The following USP34 variants were observed in gnomAD, a reference collection of about 807,000 sequenced individuals.
USP34 encodes ubiquitin specific peptidase 34.
USP34 carries 70 observed loss-of-function variants against 460.3 expected under a neutral mutation model. The observed-to-expected ratio is 0.15, with a 90% confidence interval of 0.13 to 0.19. The LOEUF (loss-of-function observed/expected upper bound fraction) is 0.19, where lower values mean the gene tolerates loss of function less well. Ranked by LOEUF, USP34 falls within the 10% of genes least tolerant of loss-of-function variation. The pLI is 1.00. For synonymous variants in USP34, 1,647 were observed against 1,405.3 expected (o/e 1.17, Z -3.85); for missense variants, 3,985 against 4,236.2 (o/e 0.94, Z 1.65).
At chr2:61,298,132 CTTTA>C (rs1558516234) in intron 29 of USP34, among the ~76,000 whole-genome samples, 1 of 151,998 alleles carries the variant, frequency 6.6e-6, no homozygotes, top group Non-Finnish European at 1.5e-5. Context: ...AGTAAAGATA[CTTTA>C]TTTTTACTTT....
chr2:61,259,756 G>A lies in USP34; in HGVS notation c.5799C>T (p.His1933=). The change falls in exon 44 of 80, where the codon CAC becomes CAT. Residue 1933 remains histidine (H), a synonymous_variant. Transcript: ENST00000398571. The part of the protein sequence containing the change: ...FTAKYSEDMK[H]KTTLLELQKM... ...TCTGAAGCTCCAGAAGAGTGGTCTT[G>A]TGCTTCATATCCTCTGAATACTGAA... The A allele has an allele frequency of 1.2e-6, 2 of 1,613,198 alleles. No individual in the cohort carries two copies. Among genetic ancestry groups the A allele is most frequent in the Non-Finnish European group, 1.7e-6 (2 of 1,179,892 alleles).
At chr2:61,341,649 G>T (rs1691604852) in intron 16 of USP34, among the ~76,000 whole-genome samples, 2 of 151,646 alleles carry the variant, frequency 1.3e-5, no homozygotes, top group African/African-American at 2.4e-5. Context: ...GCTTCCTGTG[G>T]CCCTCACCAG....
At chr2:61,329,130 T>G (rs1215304134) in intron 20 of USP34, among the ~76,000 whole-genome samples, 1 of 151,986 alleles carries the variant, frequency 6.6e-6, no homozygotes, top group Non-Finnish European at 1.5e-5. Context: ...CAAGTGGTTC[T>G]CCTGCCTCAG....
chr2:61,227,315 G>A lies in USP34; in HGVS notation c.7444-97C>T, dbSNP rs898529789. 2.2e-6 allele frequency: 3 copies of A among 1,380,114 alleles called. No individual in the cohort carries two copies. In the South Asian group the frequency reaches 4.0e-5, roughly 18 times the overall value. 85.5% of individuals were successfully genotyped at this position (1,380,114 alleles called of 1,614,324 possible). ...TTATGTAACAGTGTAGATGGTGGCA[G>A]GAGCTTGTAACATGAAAAACAACTG... On this transcript the variant is annotated intron_variant, in intron 61 of 79. Coordinates refer to ENST00000398571, the MANE Select transcript of USP34 (RefSeq NM_014709.4).
intron 16 of USP34, among the ~76,000 whole-genome samples, chr2:61,340,885 G>A (rs544351079): frequency 1.3e-5 from 2 of 148,730 alleles, no homozygotes; most frequent in South Asian, 2.1e-4. Flanking sequence ...GGATGGGTGG[G>A]GGGACTGTTT....
At position 61,425,835 on chromosome 2, in the gene USP34, C is replaced by A. The variant is rs566369405; in HGVS notation, c.44-5002G>T. The stretch of plus-strand genomic sequence containing the variant: ...GAGTGCTGGCATCACCCCTTCCCCT[C>A]GACAGGCTGCACAGCTCAGGGCTCC... On this transcript the variant is annotated intron_variant, in intron 1 of 79. Transcript: ENST00000398571. 5.3e-5 allele frequency among the ~76,000 whole-genome samples: 8 copies of A among 152,082 alleles called. No homozygotes were observed. In the East Asian group the frequency reaches 1.4e-3, roughly 26 times the overall value.
At chr2:61,332,763 C>A (rs1034585617) in intron 19 of USP34, among the ~76,000 whole-genome samples, 2 of 151,928 alleles carry the variant, frequency 1.3e-5, no homozygotes, top group Non-Finnish European at 2.9e-5. Flanking sequence ...CTTGCAAAAA[C>A]AGAACCTTCA....
At position 61,199,018 on chromosome 2, in the gene USP34, G is replaced by A. The variant is rs1253050510; in HGVS notation, c.9508+4122C>T. ...AATCCTAAAAATTTGGTATATATTG[G>A]CAGTGTTGGCTGTTTATCTGTTAAG... On this transcript the variant is annotated intron_variant, in intron 75 of 79. Transcript: ENST00000398571. Among the ~76,000 whole-genome samples, 4 of 152,074 alleles carry A rather than the reference G, an allele frequency of 2.6e-5. No individual in the cohort carries two copies. In the East Asian group the frequency reaches 7.7e-4, roughly 29 times the overall value.
intron 59 of USP34, 77 bp from the exon 60 acceptor site, chr2:61,229,072 A>C (rs1244247552): frequency 8.6e-7 from 1 of 1,159,080 alleles, no homozygotes; most frequent in African/African-American, 1.6e-5. Context: ...TACTTTTTAA[A>C]CTCTGAATTT....
Position 61,327,404 on chromosome 2 carries a change from A to C in USP34, c.2931-1947T>G, listed in dbSNP as rs76477506. Among the ~76,000 whole-genome samples the C allele has an allele frequency of 9.8e-3, 1,493 of 152,308 alleles. 18 individuals are homozygous for C. The highest frequency in any genetic ancestry group is 0.013 in the Non-Finnish European group (873 of 68,020). On this transcript the variant is annotated intron_variant, in intron 20 of 79. Coordinates refer to ENST00000398571, the MANE Select transcript of USP34 (RefSeq NM_014709.4). The stretch of plus-strand genomic sequence containing the variant: ...TAAGGCAACCCAGATAAAATTCAAG[A>C]ACAGCTAGCTCTTAAGGGCTTCTAG...
At chr2:61,375,768 C>CAAAAAAAAAAAAAA (rs56304309) in intron 8 of USP34, among the ~76,000 whole-genome samples, 194 of 80,810 alleles carry the variant, frequency 2.4e-3, no homozygotes, top group South Asian at 4.7e-3. Flanking sequence ...GACTCTGTCT[C>CAAAAAAAAAAAAAA]AAAAAAAAAA....
intron 5 of USP34, among the ~76,000 whole-genome samples, chr2:61,387,575 TATAAA>T (rs1295317850): frequency 6.8e-6 from 1 of 146,212 alleles, no homozygotes; most frequent in African/African-American, 2.5e-5. Flanking sequence ...TACACACATA[TATAAA>T]ATATATATAT....
At chr2:61,377,959 G>A (rs1477074552) in intron 8 of USP34, among the ~76,000 whole-genome samples, 1 of 152,320 alleles carries the variant, frequency 6.6e-6, no homozygotes, top group Non-Finnish European at 1.5e-5. Context: ...CAAGTGGATG[G>A]CTTGAGTCTA....
At chr2:61,312,856 CTT>C (rs1478476489) in intron 25 of USP34, among the ~76,000 whole-genome samples, 1 of 152,156 alleles carries the variant, frequency 6.6e-6, no homozygotes, top group Non-Finnish European at 1.5e-5. Context: ...CGTACTATGT[CTT>C]GGGAAACAAA....
intron 44 of USP34, among the ~76,000 whole-genome samples, 191 bp downstream of exon 44, chr2:61,259,520 C>T (rs1474032151): frequency 6.6e-6 from 1 of 151,282 alleles, no homozygotes; most frequent in East Asian, 1.9e-4. Context: ...CCTAAGCAGC[C>T]GGGACTACAG....
rs1375478639 is a variant in USP34 at position 61,394,961 on chromosome 2, C to G, written c.645G>C (p.Leu215Phe). The G allele has an allele frequency of 1.2e-6, 2 of 1,606,566 alleles. No homozygotes were observed. Among genetic ancestry groups the G allele is most frequent in the East Asian group, 4.5e-5 (2 of 44,448 alleles). ...VPLHLLRYVC[L>F]FCGKNGLSLM... ...GAGAAAGGCCATTTTTCCCACAAAA[C>G]AAACATACATAACGAAGCAAATGCA... The change falls in exon 5 of 80, where the codon TTG becomes TTC. Residue 215 changes from leucine (L) to phenylalanine (F), a missense_variant. Physicochemically the swap from Leu to Phe is conservative, Grantham distance 22. Transcript: ENST00000398571.
intron 25 of USP34, 24 bp from the exon 26 acceptor site, chr2:61,311,934 A>G (rs770943478): frequency 2.1e-5 from 33 of 1,607,052 alleles, no homozygotes; most frequent in Non-Finnish European, 2.8e-5. Flanking sequence ...CAAACAACAC[A>G]TAGAAAGGAT....
intron 1 of USP34, among the ~76,000 whole-genome samples, chr2:61,440,139 C>T (rs1035741142): frequency 4.6e-5 from 7 of 152,126 alleles, no homozygotes; most frequent in Non-Finnish European, 5.9e-5. Flanking sequence ...CCGTCCCTCC[C>T]GAGCACTCAT....
Position 61,267,795 on chromosome 2 carries a change from T to C in USP34, c.5434-1628A>G, listed in dbSNP as rs192551815. On this transcript the variant is annotated intron_variant, in intron 41 of 79. Coordinates refer to ENST00000398571, the MANE Select transcript of USP34 (RefSeq NM_014709.4). Reference sequence around the variant, plus strand: ...CACCCGGTCTTAATTTTTTGTATTTTTTAGTAGAGACGGGGTTTCACTGTG... The same window carrying C: ...CACCCGGTCTTAATTTTTTGTATTTCTTAGTAGAGACGGGGTTTCACTGTG... Among the ~76,000 whole-genome samples, 320 of 152,218 alleles carry C rather than the reference T, an allele frequency of 2.1e-3. 9 individuals carry two copies. Among genetic ancestry groups the C allele is most frequent in the Non-Finnish European group, 1.6e-3 (111 of 68,008 alleles).
Sources: gnomAD v4.1 joint callset for allele counts (sites outside exome capture counted in the v4.1 genomes callset) on GRCh38, gnomAD v4.1.1 for gene constraint, MANE v1.5 for transcripts, NCBI Gene and HGNC (gene_info 2026-07-23, HGNC 2026-07-21) for gene names.